DCAF6: variants seen among roughly 807,000 people sequenced by gnomAD.
The protein encoded by DCAF6 is DDB1 and CUL4 associated factor 6.
A neutral mutation model predicts 125.1 loss-of-function variants in DCAF6; 54 were observed. The ratio of observed to expected loss-of-function variants is 0.43; its 90% confidence interval spans 0.35 to 0.54. The LOEUF is 0.54. Among genes scored for constraint, DCAF6 ranks in the 20% least tolerant of loss-of-function variants. The probability of loss-of-function intolerance (pLI) is 0.01; values close to 1 mark genes in which losing one functional copy is unlikely to be tolerated. For synonymous variants in DCAF6, 371 were observed against 390.4 expected, an observed-to-expected ratio of 0.95 and a Z score of 0.58; for missense variants, 934 against 1,161.7, an observed-to-expected ratio of 0.80 and a Z score of 2.85.
chr1:168,014,959 A>G (rs1684764090), intron 10 of DCAF6, among the ~76,000 whole-genome samples: 1 of 152,158 alleles, frequency 6.6e-6, no homozygotes. Context: ...TTTAATTCAT[A>G]GCAGTTATCC....
At chr1:167,946,693 C>T (rs904714589) in intron 1 of DCAF6, among the ~76,000 whole-genome samples, 2 of 152,058 alleles carry the variant, frequency 1.3e-5, no homozygotes, top group African/African-American at 4.8e-5. Flanking sequence ...CATATGTTGA[C>T]CTATCCTTGC....
At chr1:167,909,418 T>C in the DCAF6 span, among the ~76,000 whole-genome samples, 2 of 152,208 alleles carry the variant, frequency 1.3e-5, no homozygotes, top group Non-Finnish European at 2.9e-5. Flanking sequence ...TGCTGGGTCA[T>C]AGGGTATACA....
At chr1:168,004,830 T>C in intron 10 of DCAF6, 37 bp downstream of exon 10, 1 of 1,586,550 alleles carries the variant, frequency 6.3e-7, no homozygotes, top group Non-Finnish European at 8.6e-7. Context: ...CTAATGATTT[T>C]TGATAGTGAA....
the DCAF6 span, among the ~76,000 whole-genome samples, chr1:167,895,946 A>G: frequency 6.6e-6 from 1 of 152,260 alleles, no homozygotes; most frequent in African/African-American, 2.4e-5. Flanking sequence ...TGAGACGTAA[A>G]GGCAAAACTA....
Position 168,009,287 on chromosome 1 carries a change from T to C in DCAF6, c.1378+4494T>C, listed in dbSNP as rs570080172. ...TGCTGGGATTACAGGCGTGAGCCAC[T>C]GTGCCCTGCCATTTTCTTTTCTTTC... On this transcript the variant is annotated intron_variant, in intron 10 of 21. Transcript: ENST00000367840. 5.6e-3 allele frequency among the ~76,000 whole-genome samples: 857 copies of C among 152,048 alleles called. 3 individuals are homozygous for C. Among genetic ancestry groups the C allele is most frequent in the Admixed American group, 8.3e-3 (127 of 15,282 alleles).
intron 17 of DCAF6, among the ~76,000 whole-genome samples, chr1:168,062,077 G>C (rs1691661854): frequency 6.6e-6 from 1 of 152,006 alleles, no homozygotes; most frequent in South Asian, 2.1e-4. Context: ...CAGCAAAAAG[G>C]ATGAATGAAC....
chr1:167,920,725 G>T, the DCAF6 span: 1 of 1,222,208 alleles, frequency 8.2e-7, no homozygotes, highest in Non-Finnish European at 1.1e-6. Context: ...TGAGATTTCC[G>T]TAAGTTAGCA....
At chr1:167,965,629 G>T (rs1676278363) in intron 2 of DCAF6, among the ~76,000 whole-genome samples, 1 of 151,956 alleles carries the variant, frequency 6.6e-6, no homozygotes, top group East Asian at 1.9e-4. Context: ...GGGTTCCCTG[G>T]AGTTTTTTTC....
intron 16 of DCAF6, 143 bp downstream of exon 16, chr1:168,045,370 A>C (rs1324082159): frequency 5.4e-6 from 4 of 739,766 alleles, no homozygotes; most frequent in Non-Finnish European, 4.3e-6. Flanking sequence ...GAAACTTTAC[A>C]GTTTACTGTA....
chr1:167,959,093 T>G (rs1430578747), intron 2 of DCAF6, among the ~76,000 whole-genome samples: 1 of 152,248 alleles, frequency 6.6e-6, no homozygotes, highest in Non-Finnish European at 1.5e-5. Flanking sequence ...GTCTCCATAG[T>G]TAAGCCTTTT....
At chr1:168,073,956 AAATATGTATTG>A (rs1203657684) in intron 21 of DCAF6, among the ~76,000 whole-genome samples, 4 of 147,946 alleles carry the variant, frequency 2.7e-5, no homozygotes, top group Non-Finnish European at 6.0e-5. Context: ...TTTATTTTAT[AAATATGTATTG>A]AATACATATT....
At chr1:168,072,045 C>G (rs900886623) in intron 21 of DCAF6, among the ~76,000 whole-genome samples, 2 of 151,874 alleles carry the variant, frequency 1.3e-5, no homozygotes, top group Non-Finnish European at 2.9e-5. Flanking sequence ...TGCCTGTAAT[C>G]CCAGCACTTT....
chr1:168,060,746 G>T (rs1276944037), intron 17 of DCAF6, among the ~76,000 whole-genome samples: 1 of 152,098 alleles, frequency 6.6e-6, no homozygotes, highest in African/African-American at 2.4e-5. Flanking sequence ...ACAAAAATTA[G>T]CCAGATGTGG....
At chr1:167,863,970 G>A in the DCAF6 span, among the ~76,000 whole-genome samples, 2 of 152,092 alleles carry the variant, frequency 1.3e-5, no homozygotes, top group Non-Finnish European at 2.9e-5. Context: ...CTGGTCTTGG[G>A]AACTTGCCCA....
chr1:168,066,102 G>T (rs1469300657), intron 19 of DCAF6, among the ~76,000 whole-genome samples: 1 of 152,034 alleles, frequency 6.6e-6, no homozygotes, highest in African/African-American at 2.4e-5. Flanking sequence ...AGCATTGCTC[G>T]TCTTCTTTTT....
the DCAF6 span, among the ~76,000 whole-genome samples, chr1:167,912,888 G>A: frequency 1.3e-5 from 2 of 152,208 alleles, no homozygotes; most frequent in Admixed American, 1.3e-4. Flanking sequence ...CTGAAGCACA[G>A]AGGTATTAAC....
At chr1:167,981,224 A>G (rs1052804650) in intron 4 of DCAF6, among the ~76,000 whole-genome samples, 3 of 152,034 alleles carry the variant, frequency 2.0e-5, no homozygotes, top group Non-Finnish European at 4.4e-5. Context: ...GTTTTCTTCT[A>G]GGAGTTTTAT....
chr1:167,878,304 G>A, the DCAF6 span: 1 of 863,314 alleles, frequency 1.2e-6, no homozygotes, highest in South Asian at 1.5e-5. Flanking sequence ...TAAGGATTTT[G>A]AAGTCTGGGC....
the DCAF6 span, among the ~76,000 whole-genome samples, chr1:167,902,505 T>A: frequency 2.0e-5 from 3 of 152,258 alleles, no homozygotes; most frequent in East Asian, 5.8e-4. Flanking sequence ...CATTTTTGGT[T>A]ATTACCAACT....
Sources: gnomAD v4.1 joint callset for allele counts (sites outside exome capture counted in the v4.1 genomes callset) on GRCh38, gnomAD v4.1.1 for gene constraint, MANE v1.5 for transcripts, NCBI Gene and HGNC (gene_info 2026-07-23, HGNC 2026-07-21) for gene names.